FNDC3A: variants seen among roughly 807,000 people sequenced by gnomAD.
FNDC3A encodes fibronectin type III domain containing 3A.
FNDC3A carries 32 observed loss-of-function variants against 148.9 expected under a neutral mutation model. The observed-to-expected ratio is 0.21, with a 90% CI of 0.16 to 0.29. FNDC3A has a LOEUF of 0.29. Among genes scored for constraint, FNDC3A ranks in the 10% least tolerant of loss-of-function variants. The pLI, the probability that FNDC3A is intolerant of heterozygous loss-of-function variation, is 1.00. For synonymous variants in FNDC3A, 472 were observed against 473.6 expected (o/e 1.00, Z 0.04); for missense variants, 1,191 against 1,452.8 (o/e 0.82, Z 2.93).
intron 3 of FNDC3A, among the ~76,000 whole-genome samples, chr13:49,081,992 T>C (rs369614852): frequency 6.7e-6 from 1 of 148,154 alleles, no homozygotes; most frequent in Non-Finnish European, 1.5e-5. Context: ...TTAACAAAAA[T>C]AAAAACATGT....
At chr13:49,156,504 C>T (rs1308194997) in intron 8 of FNDC3A, among the ~76,000 whole-genome samples, 1 of 150,536 alleles carries the variant, frequency 6.6e-6, no homozygotes, top group Non-Finnish European at 1.5e-5. Flanking sequence ...TTAATTGGAG[C>T]ATTAAGTCCA....
chr13:49,106,874 A>G (rs1880226801), intron 3 of FNDC3A, among the ~76,000 whole-genome samples: 1 of 152,152 alleles, frequency 6.6e-6, no homozygotes, highest in Admixed American at 6.5e-5. Context: ...AAAAACATAA[A>G]TGAAAATGAG....
chr13:49,066,199 T>G (rs1025098877), intron 2 of FNDC3A, among the ~76,000 whole-genome samples: 1 of 152,176 alleles, frequency 6.6e-6, no homozygotes, highest in African/African-American at 2.4e-5. Context: ...CCTGTATTCG[T>G]TTTGGTTATT....
In FNDC3A at chr13:49,088,906, G is replaced by A. The variant is rs558470575; in HGVS notation, c.175+13542G>A. On this transcript the variant is annotated intron_variant, in intron 3 of 25. Transcript: ENST00000492622. Reference sequence around the variant, plus strand: ...TATTAAAATTTAATTTCAAAAGTATGTAGCAGTTAAGTGAAATAAATCAGT... The same window carrying A: ...TATTAAAATTTAATTTCAAAAGTATATAGCAGTTAAGTGAAATAAATCAGT... Among the ~76,000 whole-genome samples the A allele has an allele frequency of 4.6e-5, 7 of 152,228 alleles. No homozygotes were observed. In the East Asian group the frequency reaches 9.7e-4, roughly 21 times the overall value.
chr13:49,045,726 AC>A, intron 2 of FNDC3A: 1 of 1,048,376 alleles, frequency 9.5e-7, no homozygotes. Context: ...ATTTTCAAAA[AC>A]CCTGTCAGGA....
At chr13:49,154,456 C>T (rs1439865832) in intron 8 of FNDC3A, among the ~76,000 whole-genome samples, 224 of 148,168 alleles carry the variant, frequency 1.5e-3, no homozygotes, top group Non-Finnish European at 4.5e-4. Flanking sequence ...ACAATCATGT[C>T]GTCTGCAAAC....
chr13:49,114,206 A>G (rs1307596917), intron 3 of FNDC3A, among the ~76,000 whole-genome samples: 1 of 152,030 alleles, frequency 6.6e-6, no homozygotes, highest in Non-Finnish European at 1.5e-5. Context: ...TGTCCCTGTA[A>G]CTTTTGAAAA....
intron 2 of FNDC3A, among the ~76,000 whole-genome samples, chr13:49,022,878 A>G (rs76890951): frequency 0.021 from 3,160 of 152,186 alleles, 49 homozygotes; most frequent in Non-Finnish European, 0.035. Context: ...TTCTAGTGCT[A>G]TTACCGTTAA....
intron 3 of FNDC3A, among the ~76,000 whole-genome samples, chr13:49,111,074 G>A (rs1432363018): frequency 6.6e-6 from 1 of 152,196 alleles, no homozygotes; most frequent in African/African-American, 2.4e-5. Context: ...TGCTACTCTT[G>A]TGCCAGGCAT....
At chr13:49,206,862 G>A (rs1886673010) in intron 25 of FNDC3A, among the ~76,000 whole-genome samples, 1 of 152,162 alleles carries the variant, frequency 6.6e-6, no homozygotes, top group South Asian at 2.1e-4. Flanking sequence ...TCTGTGAACC[G>A]TATAAGGGTA....
rs147205811 is a variant in FNDC3A, at chr13:49,175,467, C to G, written c.1456C>G (p.Gln486Glu). 6.9e-5 allele frequency: 112 copies of G among 1,613,106 alleles called. 1 individual carries two copies. The East Asian group carries it at 2.5e-3, about 36-fold the overall frequency. ...TKAGITWLSL[Q>E]WSKPSGTPSD... ...GGCTGGAATTACTTGGTTATCCTTA[C>G]AATGGAGTAAGCCCTCAGGAACACC... The change falls in exon 13 of 26, where the codon CAA (glutamine) becomes GAA (glutamate). Residue 486 changes from glutamine to glutamate, a missense_variant. Coordinates refer to ENST00000492622, the MANE Select transcript of FNDC3A (RefSeq NM_001079673.2).
At chr13:49,063,150 G>A (rs143604532) in intron 2 of FNDC3A, among the ~76,000 whole-genome samples, 98 of 152,174 alleles carry the variant, frequency 6.4e-4, no homozygotes, top group African/African-American at 2.0e-3. Flanking sequence ...TTGCTTAACT[G>A]TACTACATTG....
chr13:49,160,094 C>G (rs1203254654), intron 8 of FNDC3A, among the ~76,000 whole-genome samples: 2 of 152,086 alleles, frequency 1.3e-5, no homozygotes, highest in African/African-American at 2.4e-5. Context: ...TTTGTTGTGT[C>G]TCTGCCCGGC....
chr13:49,133,692 A>G (rs1210750764), intron 5 of FNDC3A, among the ~76,000 whole-genome samples: 1 of 152,228 alleles, frequency 6.6e-6, no homozygotes, highest in Non-Finnish European at 1.5e-5. Context: ...GCTAGGCACT[A>G]TGCTCACACA....
chr13:49,146,165 T>C (rs530182360), intron 8 of FNDC3A: 28 of 445,524 alleles, frequency 6.3e-5, no homozygotes, highest in South Asian at 4.3e-4. Flanking sequence ...GCTTTTTTTT[T>C]CCCAGTAGGC....
At chr13:49,049,951 C>G (rs182392863) in intron 2 of FNDC3A, among the ~76,000 whole-genome samples, 1 of 152,172 alleles carries the variant, frequency 6.6e-6, no homozygotes, top group African/African-American at 2.4e-5. Flanking sequence ...AACTCCTGAC[C>G]TCAGGTGATC....
chr13:49,193,147 C>T (rs1427913431), intron 19 of FNDC3A, among the ~76,000 whole-genome samples: 1 of 152,128 alleles, frequency 6.6e-6, no homozygotes, highest in Non-Finnish European at 1.5e-5. Flanking sequence ...CCATGCTCTC[C>T]ATGAACTAAA....
intron 8 of FNDC3A, among the ~76,000 whole-genome samples, chr13:49,156,536 G>T (rs1883699583): frequency 6.7e-6 from 1 of 148,458 alleles, no homozygotes; most frequent in African/African-American, 2.5e-5. Flanking sequence ...AGTTAATATT[G>T]TTATGTGTGA....
chr13:49,072,321 G>T (rs184404904), intron 2 of FNDC3A, among the ~76,000 whole-genome samples: 1 of 152,058 alleles, frequency 6.6e-6, no homozygotes, highest in East Asian at 1.9e-4. Context: ...AAAATGAATT[G>T]GTTGTTGAGT....
Sources: allele counts gnomAD v4.1 joint callset (sites outside exome capture counted in the v4.1 genomes callset), GRCh38; gene constraint gnomAD v4.1.1; transcripts MANE v1.5; gene names NCBI Gene and HGNC (gene_info 2026-07-23, HGNC 2026-07-21).